PKNOX2: variants seen among roughly 807,000 people sequenced by gnomAD.
PKNOX2 encodes the protein homeobox protein PKNOX2.
Under a neutral mutation model 53.1 loss-of-function variants are expected in PKNOX2, and 14 were observed. The observed-to-expected ratio is 0.26, with a 90% CI of 0.17 to 0.41. PKNOX2 has a LOEUF of 0.41. Ranked by LOEUF, PKNOX2 falls within the 10% of genes least tolerant of loss-of-function variation. PKNOX2 has a pLI of 1.00. For synonymous variants in PKNOX2, 257 were observed against 242.8 expected (o/e 1.06, Z -0.54); for missense variants, 496 against 602.8 (o/e 0.82, Z 1.85).
At chr11:125,269,655 G>A (rs747517455) in intron 2 of PKNOX2, among the ~76,000 whole-genome samples, 5 of 152,150 alleles carry the variant, frequency 3.3e-5, no homozygotes, top group East Asian at 1.9e-4. Context: ...TGTCCAGGGC[G>A]AGGCTGAGAG....
At chr11:125,373,262 A>G (rs1215950552) in intron 5 of PKNOX2, among the ~76,000 whole-genome samples, 1 of 152,256 alleles carries the variant, frequency 6.6e-6, no homozygotes, top group African/African-American at 2.4e-5. Context: ...ATAAGATAAT[A>G]AATGGCATAC....
chr11:125,415,860 G>T (rs946345739), intron 10 of PKNOX2, among the ~76,000 whole-genome samples: 1 of 152,186 alleles, frequency 6.6e-6, no homozygotes, highest in African/African-American at 2.4e-5. Context: ...CCATTCAAAA[G>T]AGATACTTTA....
chr11:125,394,409 C>T (rs534911234), intron 6 of PKNOX2, among the ~76,000 whole-genome samples: 9 of 152,310 alleles, frequency 5.9e-5, no homozygotes, highest in Non-Finnish European at 8.8e-5. Context: ...CCCTGCATGA[C>T]GACACACAAT....
At chr11:125,270,313 T>C (rs1241763229) in intron 2 of PKNOX2, among the ~76,000 whole-genome samples, 1 of 152,218 alleles carries the variant, frequency 6.6e-6, no homozygotes, top group Non-Finnish European at 1.5e-5. Flanking sequence ...GTCTTCCCTC[T>C]GCAGGTGGGT....
intron 2 of PKNOX2, among the ~76,000 whole-genome samples, chr11:125,279,219 C>T (rs891636026): frequency 5.3e-5 from 8 of 152,132 alleles, no homozygotes; most frequent in East Asian, 1.9e-4. Flanking sequence ...GCCTGTGAAC[C>T]GCAGTGAGCA....
intron 2 of PKNOX2, among the ~76,000 whole-genome samples, chr11:125,312,572 G>A (rs1019604765): frequency 6.6e-6 from 1 of 152,152 alleles, no homozygotes; most frequent in Admixed American, 6.5e-5. Flanking sequence ...CCGGGGCAGC[G>A]GGTGCTGTGG....
At chr11:125,201,887 T>G (rs1938481638) in intron 1 of PKNOX2, among the ~76,000 whole-genome samples, 2 of 152,144 alleles carry the variant, frequency 1.3e-5, no homozygotes, top group South Asian at 2.1e-4. Flanking sequence ...TGGGGAAGAA[T>G]GTGGGCTCGG....
intron 1 of PKNOX2, among the ~76,000 whole-genome samples, chr11:125,167,419 G>T (rs1591466418): frequency 1.3e-5 from 2 of 152,256 alleles, no homozygotes; most frequent in Non-Finnish European, 2.9e-5. Flanking sequence ...TTGTAGGCTT[G>T]GAATTCGTGA....
At chr11:125,199,374 C>A (rs1045209366) in intron 1 of PKNOX2, among the ~76,000 whole-genome samples, 1 of 152,210 alleles carries the variant, frequency 6.6e-6, no homozygotes, top group African/African-American at 2.4e-5. Context: ...TCGGTTCTCA[C>A]CTTCACTGAG....
chr11:125,266,459 C>G (rs1196578295), intron 2 of PKNOX2, among the ~76,000 whole-genome samples: 1 of 152,178 alleles, frequency 6.6e-6, no homozygotes, highest in Non-Finnish European at 1.5e-5. Flanking sequence ...GAGACAGAGG[C>G]TGGAAGACAG....
intron 6 of PKNOX2, among the ~76,000 whole-genome samples, chr11:125,386,969 CG>C (rs886185239): frequency 6.6e-6 from 1 of 152,146 alleles, no homozygotes; most frequent in Non-Finnish European, 1.5e-5. Context: ...CGCTTGCTGT[CG>C]GGAGGGTCAG....
intron 1 of PKNOX2, among the ~76,000 whole-genome samples, chr11:125,185,728 A>G (rs1956411425): frequency 6.6e-6 from 1 of 152,202 alleles, no homozygotes; most frequent in African/African-American, 2.4e-5. Flanking sequence ...TTGAATGTAG[A>G]TACCACATTT....
chr11:125,404,326 C>G (rs562612983), intron 7 of PKNOX2, among the ~76,000 whole-genome samples: 1 of 152,056 alleles, frequency 6.6e-6, no homozygotes. Flanking sequence ...GCGCTTCTCC[C>G]GCCTGAGAAG....
At chr11:125,205,125 C>T (rs1938931467) in intron 1 of PKNOX2, among the ~76,000 whole-genome samples, 1 of 152,230 alleles carries the variant, frequency 6.6e-6, no homozygotes, top group South Asian at 2.1e-4. Context: ...AGGAGTGAGT[C>T]AGAAGATGCT....
At chr11:125,374,748 C>A (rs1952741311) in intron 5 of PKNOX2, among the ~76,000 whole-genome samples, 1 of 152,202 alleles carries the variant, frequency 6.6e-6, no homozygotes. Flanking sequence ...AATCTGATGA[C>A]TTTTATCCTC....
At position 125,251,107 on chromosome 11, in the gene PKNOX2, G is replaced by A. The variant is rs139302876; in HGVS notation, c.-130+15992G>A. ...CGGCCTGTAGCCCCCGAGTCATCAC[G>A]GGAGGCGTGTGACTTCTTCTTTCTT... On this transcript the variant is annotated intron_variant, in intron 2 of 12. Transcript: ENST00000298282. 1.3e-3 allele frequency among the ~76,000 whole-genome samples: 195 copies of A among 152,318 alleles called. 1 individual carries two copies. The highest frequency in any genetic ancestry group is 0.011 in the Admixed American group (164 of 15,304).
chr11:125,316,019 T>C (rs1450448511), intron 2 of PKNOX2, among the ~76,000 whole-genome samples: 1 of 152,182 alleles, frequency 6.6e-6, no homozygotes, highest in Non-Finnish European at 1.5e-5. Flanking sequence ...GAGGCAAAGA[T>C]GTCCATACGT....
intron 6 of PKNOX2, among the ~76,000 whole-genome samples, chr11:125,390,831 T>A (rs897240121): frequency 6.6e-6 from 1 of 152,252 alleles, no homozygotes; most frequent in Admixed American, 6.5e-5. Context: ...ATGATTTGAC[T>A]TGTCTTGCGT....
intron 1 of PKNOX2, among the ~76,000 whole-genome samples, chr11:125,213,747 T>A (rs958607962): frequency 6.6e-6 from 1 of 152,144 alleles, no homozygotes; most frequent in African/African-American, 2.4e-5. Context: ...CGTGAGCCAC[T>A]GTGCCTGGCC....
Sources: gnomAD v4.1 joint callset for allele counts (sites outside exome capture counted in the v4.1 genomes callset) on GRCh38, gnomAD v4.1.1 for gene constraint, MANE v1.5 for transcripts, NCBI Gene and HGNC (gene_info 2026-07-23, HGNC 2026-07-21) for gene names.